DIAPH3: variants seen among roughly 807,000 people sequenced by gnomAD.
DIAPH3 encodes diaphanous related formin 3.
Under a neutral mutation model 144.3 loss-of-function variants are expected in DIAPH3, and 117 were observed. That is an observed-to-expected ratio of 0.81 (90% CI 0.70 to 0.95). The LOEUF (loss-of-function observed/expected upper bound fraction) is 0.95, where lower values mean the gene tolerates loss of function less well. Among genes scored for constraint, DIAPH3 ranks in the 40% least tolerant of loss-of-function variants. The pLI is 0.00. For missense variants in DIAPH3, 1,421 were observed against 1,412.7 expected (o/e 1.01, Z -0.09); for synonymous variants, 519 against 488.9 (o/e 1.06, Z -0.81).
intron 27 of DIAPH3, among the ~76,000 whole-genome samples, chr13:59,758,723 C>T (rs2037412037): frequency 6.6e-6 from 1 of 150,474 alleles, no homozygotes; most frequent in South Asian, 2.1e-4. Context: ...ATGCAATACA[C>T]AATGCCAAGC....
intron 21 of DIAPH3, among the ~76,000 whole-genome samples, chr13:59,872,385 A>C (rs1343357849): frequency 6.6e-6 from 1 of 152,192 alleles, no homozygotes. Context: ...ACTTAACAAA[A>C]CACACGCCTG....
chr13:59,890,739 A>G (rs1208738771), intron 20 of DIAPH3, among the ~76,000 whole-genome samples: 1 of 151,790 alleles, frequency 6.6e-6, no homozygotes, highest in African/African-American at 2.4e-5. Flanking sequence ...AGTTTTTCCA[A>G]TGTTAAATTA....
chr13:59,979,684 T>C (rs909585440), intron 14 of DIAPH3, among the ~76,000 whole-genome samples: 7 of 151,670 alleles, frequency 4.6e-5, no homozygotes, highest in African/African-American at 1.7e-4. Flanking sequence ...AATTTGTAAG[T>C]TATGTTTTAT....
chr13:60,015,471 C>A (rs1394142336), intron 7 of DIAPH3, among the ~76,000 whole-genome samples: 1 of 151,992 alleles, frequency 6.6e-6, no homozygotes, highest in Non-Finnish European at 1.5e-5. Context: ...TAACTTGAAC[C>A]TTTGGTAATA....
chr13:59,726,787 G>C (rs905769043), intron 27 of DIAPH3, among the ~76,000 whole-genome samples: 1 of 152,146 alleles, frequency 6.6e-6, no homozygotes, highest in East Asian at 1.9e-4. Flanking sequence ...ATGAGTAATT[G>C]AGTGTTAAAA....
chr13:60,145,397 A>G (rs1164977354), intron 1 of DIAPH3, among the ~76,000 whole-genome samples: 1 of 152,256 alleles, frequency 6.6e-6, no homozygotes, highest in African/African-American at 2.4e-5. Flanking sequence ...CACGCCTGTA[A>G]TCCCAGCAGG....
intron 1 of DIAPH3, among the ~76,000 whole-genome samples, chr13:60,161,630 G>A (rs1000539992): frequency 6.6e-6 from 1 of 152,210 alleles, no homozygotes; most frequent in African/African-American, 2.4e-5. Flanking sequence ...TCCTACAGGT[G>A]AAGATAAAGC....
intron 18 of DIAPH3, among the ~76,000 whole-genome samples, chr13:59,917,889 C>CAAAAAAAAA (rs60792156): frequency 5.4e-5 from 1 of 18,642 alleles, no homozygotes; most frequent in African/African-American, 1.6e-4. Context: ...GACTCTGTCT[C>CAAAAAAAAA]AAAAAAAAAA....
intron 16 of DIAPH3, 98 bp downstream of exon 16, chr13:59,970,754 T>C: frequency 9.5e-7 from 1 of 1,052,918 alleles, no homozygotes; most frequent in South Asian, 1.9e-5. Flanking sequence ...TTAAATTATG[T>C]AGGCATAAAT....
At chr13:59,786,034 G>A (rs758743560) in intron 25 of DIAPH3, among the ~76,000 whole-genome samples, 2 of 152,042 alleles carry the variant, frequency 1.3e-5, no homozygotes, top group Non-Finnish European at 2.9e-5. Context: ...ACGGCTTGCT[G>A]GAGCCCAGGA....
chr13:59,977,255 G>A (rs1454844310), intron 14 of DIAPH3, among the ~76,000 whole-genome samples: 3 of 151,718 alleles, frequency 2.0e-5, no homozygotes, highest in Non-Finnish European at 4.4e-5. Context: ...CTGAAAGCTG[G>A]GGAATGATTC....
At chr13:60,081,048 A>G (rs1566748170) in intron 4 of DIAPH3, among the ~76,000 whole-genome samples, 1 of 151,934 alleles carries the variant, frequency 6.6e-6, no homozygotes. Context: ...ATTCTTTAAG[A>G]TAGTCTTTCA....
intron 19 of DIAPH3, among the ~76,000 whole-genome samples, chr13:59,914,611 A>G (rs558449467): frequency 2.7e-4 from 41 of 152,322 alleles, no homozygotes; most frequent in African/African-American, 9.9e-4. Context: ...AAAAGTTCTT[A>G]TAAGTGGAAG....
At chr13:59,795,292 T>A (rs2039532456) in intron 25 of DIAPH3, among the ~76,000 whole-genome samples, 1 of 152,168 alleles carries the variant, frequency 6.6e-6, no homozygotes, top group African/African-American at 2.4e-5. Context: ...GATAGGCTGA[T>A]AATATAATGA....
At chr13:59,924,231 T>C (rs980913649) in intron 18 of DIAPH3, among the ~76,000 whole-genome samples, 10 of 152,202 alleles carry the variant, frequency 6.6e-5, no homozygotes, top group African/African-American at 2.4e-4. Flanking sequence ...AATTTAATAC[T>C]GAGTATTTAG....
chr13:60,030,351 CAT>C (rs960239828), intron 5 of DIAPH3, among the ~76,000 whole-genome samples: 3 of 151,856 alleles, frequency 2.0e-5, no homozygotes, highest in Non-Finnish European at 2.9e-5. Context: ...TATTCTTTCA[CAT>C]GTTAGATGTT....
At chr13:59,734,197 C>T (rs2036026317) in intron 27 of DIAPH3, among the ~76,000 whole-genome samples, 1 of 151,896 alleles carries the variant, frequency 6.6e-6, no homozygotes, top group African/African-American at 2.4e-5. Context: ...CCTTTTTTGG[C>T]TCCCCTTTTA....
chr13:60,093,389 C>T (rs2058013150), intron 4 of DIAPH3, among the ~76,000 whole-genome samples: 1 of 151,862 alleles, frequency 6.6e-6, no homozygotes, highest in Non-Finnish European at 1.5e-5. Flanking sequence ...CAGAGTAGAC[C>T]CCCTCCCAGT....
chr13:59,677,179 C>T (rs2032687696), intron 27 of DIAPH3, among the ~76,000 whole-genome samples: 2 of 151,868 alleles, frequency 1.3e-5, no homozygotes, highest in Admixed American at 1.3e-4. Context: ...ATTTTATTAC[C>T]TTGCTTCACT....
Sources: allele counts gnomAD v4.1 joint callset (sites outside exome capture counted in the v4.1 genomes callset), GRCh38; gene constraint gnomAD v4.1.1; transcripts MANE v1.5; gene names NCBI Gene and HGNC (gene_info 2026-07-23, HGNC 2026-07-21).